PSEN1: variants seen among roughly 807,000 people sequenced by gnomAD.
The protein encoded by PSEN1 is presenilin-1.
PSEN1 carries 15 observed loss-of-function variants against 53.5 expected under a neutral mutation model. The ratio of observed to expected loss-of-function variants is 0.28; its 90% CI spans 0.19 to 0.43. The LOEUF (loss-of-function observed/expected upper bound fraction) is 0.43, where lower values mean the gene tolerates loss of function less well. PSEN1 is among the 20% of genes least tolerant of loss of function. PSEN1 has a pLI of 1.00. For missense variants in PSEN1, 387 were observed against 571.2 expected, an observed-to-expected ratio of 0.68 and a Z score of 3.29; for synonymous variants, 208 against 209.8, an observed-to-expected ratio of 0.99 and a Z score of 0.08.
At chr14:73,165,748 TAAAAAA>T (rs1255488298) in intron 3 of PSEN1, among the ~76,000 whole-genome samples, 2 of 102,604 alleles carry the variant, frequency 1.9e-5, no homozygotes, top group African/African-American at 7.3e-5. Flanking sequence ...AACTCCGTCT[TAAAAAA>T]AAAAAAAAAA....
rs1899455813 is a variant in PSEN1 at position 73,206,366 on chromosome 14, AATTT to A, written c.869-19_869-16del. 3.1e-6 allele frequency: 5 copies of A among 1,601,596 alleles called. No homozygotes were observed. Among genetic ancestry groups the A allele is most frequent in the Non-Finnish European group, 4.3e-6 (5 of 1,168,764 alleles). On this transcript the variant is annotated splice_polypyrimidine_tract_variant and intron_variant, in intron 8 of 11. Transcript: ENST00000324501. Reference sequence around the variant, plus strand: ...CTTTGTGTGTCCAGTGCTTACCTGGAATTTTGTCTTTCCCAACAGCAACAATGGT... The same window carrying A: ...CTTTGTGTGTCCAGTGCTTACCTGGATGTCTTTCCCAACAGCAACAATGGT...
rs555656308 is a variant in PSEN1 at position 73,164,335 on chromosome 14, T to C, written c.88-6462T>C. 9.2e-5 allele frequency among the ~76,000 whole-genome samples: 14 copies of C among 152,342 alleles called. 1 individual carries two copies. The South Asian group carries it at 2.7e-3, about 29-fold the overall frequency. ...ATTCCATAGTGCCGACGATTTTCTA[T>C]TGATAGACTAAAAATGTCTGGAATT... On this transcript the variant is annotated intron_variant, in intron 3 of 11. Coordinates refer to ENST00000324501, the MANE Select transcript of PSEN1 (RefSeq NM_000021.4).
At chr14:73,208,840 T>A (rs745845857) in intron 9 of PSEN1, 1 of 455,132 alleles carries the variant, frequency 2.2e-6, no homozygotes, top group South Asian at 1.6e-5. Context: ...GTCTGCCTCC[T>A]GCTGCCATCA....
At chr14:73,175,536 T>A (rs769384496) in intron 5 of PSEN1, among the ~76,000 whole-genome samples, 1 of 152,220 alleles carries the variant, frequency 6.6e-6, no homozygotes, top group Non-Finnish European at 1.5e-5. Context: ...CCTTCTAGTA[T>A]TTATTTCTGT....
rs746495189 is a variant in PSEN1, at chr14:73,217,795, A to ATTT, written c.1248+569_1248+571dup. ...GAACCCTGAAGCTTTCAAAACTATG[A>ATTT]TTTTTTTTTTTTTTTTTTTTGAGAC... On this transcript the variant is annotated intron_variant, in intron 11 of 11. Coordinates refer to ENST00000324501, the MANE Select transcript of PSEN1 (RefSeq NM_000021.4). Among the ~76,000 whole-genome samples, 381 of 126,282 alleles carry ATTT rather than the reference A, an allele frequency of 3.0e-3. 8 individuals carry two copies. The highest frequency in any genetic ancestry group is 9.6e-3 in the South Asian group (37 of 3,846). 82.8% of individuals were successfully genotyped at this position (126,282 alleles called of 152,430 possible).
At chr14:73,215,632 T>C (rs1899882601) in intron 10 of PSEN1, among the ~76,000 whole-genome samples, 1 of 152,092 alleles carries the variant, frequency 6.6e-6, no homozygotes, top group Admixed American at 6.5e-5. Context: ...TTAGGATATA[T>C]AAAGGATGCT....
chr14:73,207,387 T>G (rs1899496632), intron 9 of PSEN1, among the ~76,000 whole-genome samples: 1 of 151,876 alleles, frequency 6.6e-6, no homozygotes, highest in South Asian at 2.1e-4. Context: ...AAGGGCTAAC[T>G]TTTATGAGGA....
At chr14:73,157,126 C>T (rs77119530) in intron 3 of PSEN1, among the ~76,000 whole-genome samples, 17,738 of 149,094 alleles carry the variant, frequency 0.12, 1,363 homozygotes, top group East Asian at 0.32. Flanking sequence ...GAGAAAGATA[C>T]CTTTTTTTTT....
rs116466962 is a variant in PSEN1 at position 73,148,040 on chromosome 14, G to T, written c.21G>T (p.Pro7=). 9.3e-6 allele frequency: 15 copies of T among 1,613,668 alleles called. No homozygotes were observed. In the South Asian group the frequency reaches 1.3e-4, roughly 14 times the overall value. Reference sequence around the variant, plus strand: ...CTCCAATGACAGAGTTACCTGCACCGTTGTCCTACTTCCAGAATGCACAGA... The same window carrying T: ...CTCCAATGACAGAGTTACCTGCACCTTTGTCCTACTTCCAGAATGCACAGA... MTELPA[P]LSYFQNAQMS... Residue 7 remains proline (P), a synonymous_variant, in exon 3 of 12, where the codon CCG becomes CCT. Transcript: ENST00000324501.
chr14:73,219,081 A>C, intron 11 of PSEN1, 53 bp from the exon 12 acceptor site: 1 of 1,592,704 alleles, frequency 6.3e-7, no homozygotes, highest in South Asian at 1.1e-5. Flanking sequence ...GTTTTGCCTG[A>C]AAATGCTTTC....
intron 7 of PSEN1, among the ~76,000 whole-genome samples, chr14:73,193,348 C>A (rs1898802148): frequency 1.3e-5 from 2 of 151,654 alleles, no homozygotes; most frequent in South Asian, 4.2e-4. Flanking sequence ...GAGGTTTTGA[C>A]AAGCTGGCCA....
chr14:73,194,520 C>T (rs1186496546), intron 7 of PSEN1, among the ~76,000 whole-genome samples: 1 of 149,872 alleles, frequency 6.7e-6, no homozygotes, highest in Non-Finnish European at 1.5e-5. Context: ...CTTGGCCTGC[C>T]AAAGTGTTGG....
At chr14:73,146,667 ATTACT>A (rs1897079513) in intron 1 of PSEN1, among the ~76,000 whole-genome samples, 1 of 152,212 alleles carries the variant, frequency 6.6e-6, no homozygotes, top group South Asian at 2.1e-4. Flanking sequence ...TGGAGGAAAA[ATTACT>A]TTATGCATTT....
chr14:73,152,625 C>T (rs1182368543), intron 3 of PSEN1, among the ~76,000 whole-genome samples: 1 of 151,828 alleles, frequency 6.6e-6, no homozygotes, highest in East Asian at 1.9e-4. Context: ...AAAAAAAAAC[C>T]CACAAAAGCT....
At chr14:73,192,284 T>G (rs1391774809) in intron 6 of PSEN1, among the ~76,000 whole-genome samples, 1 of 151,772 alleles carries the variant, frequency 6.6e-6, no homozygotes, top group East Asian at 1.9e-4. Context: ...CAAAAAAAAT[T>G]AGAAAAATTA....
At position 73,211,960 on chromosome 14, in the gene PSEN1, T is replaced by C; in HGVS notation, c.1129+18T>C. The C allele has an allele frequency of 6.2e-7, 1 of 1,613,160 alleles. No homozygotes were observed. The highest frequency in any genetic ancestry group is 8.5e-7 in the Non-Finnish European group (1 of 1,179,216). ...AGAGGAAAGTATGTGCATTTCTCTA[T>C]GTTGCAAAGTCATGGATTCCTTTAG... On this transcript the variant is annotated intron_variant, in intron 10 of 11. Transcript: ENST00000324501.
chr14:73,184,548 C>T (rs1226691548), intron 5 of PSEN1, among the ~76,000 whole-genome samples: 1 of 133,100 alleles, frequency 7.5e-6, no homozygotes, highest in Non-Finnish European at 1.6e-5. Flanking sequence ...TCGGACAGGG[C>T]GGCTGGCCTG....
chr14:73,148,204 TC>T, intron 3 of PSEN1, 98 bp downstream of exon 3: 2 of 919,064 alleles, frequency 2.2e-6, no homozygotes, highest in Non-Finnish European at 3.5e-6. Flanking sequence ...GCAGGCTTTC[TC>T]TACTTTACCA....
intron 1 of PSEN1, among the ~76,000 whole-genome samples, chr14:73,138,715 C>T (rs566808180): frequency 6.6e-6 from 1 of 151,030 alleles, no homozygotes; most frequent in South Asian, 2.1e-4. Context: ...AATCCCAGCA[C>T]TTTGGGAGGC....
Sources: gnomAD v4.1 joint callset for allele counts (sites outside exome capture counted in the v4.1 genomes callset) on GRCh38, gnomAD v4.1.1 for gene constraint, MANE v1.5 for transcripts, NCBI Gene and HGNC (gene_info 2026-07-23, HGNC 2026-07-21) for gene names.